Variants in FAT2 observed in about 807,000 individuals in gnomAD.
FAT2 encodes the protein FAT atypical cadherin 2.
A neutral mutation model predicts 295.3 loss-of-function variants in FAT2; 150 were observed. The ratio of observed to expected loss-of-function variants is 0.51; its 90% CI spans 0.44 to 0.58. The LOEUF (loss-of-function observed/expected upper bound fraction) is 0.58, where lower values mean the gene tolerates loss of function less well. Ranked by LOEUF, FAT2 falls within the 20% of genes least tolerant of loss-of-function variation. The pLI is 0.00. For missense variants in FAT2, 4,868 were observed against 5,442.7 expected, an observed-to-expected ratio of 0.89 and a Z score of 3.32; for synonymous variants, 2,026 against 2,150.3, an observed-to-expected ratio of 0.94 and a Z score of 1.60.
rs148641194 is a variant in FAT2, at chr5:151,517,631, C to T, written c.11452G>A (p.Val3818Ile). 78 of 1,614,094 alleles carry T rather than the reference C, an allele frequency of 4.8e-5. No individual in the cohort carries two copies. Among genetic ancestry groups the T allele is most frequent in the Middle Eastern group, 3.3e-4 (2 of 6,014 alleles). The change falls in exon 20 of 24, where the codon GTC becomes ATC. Residue 3818 changes from valine (V) to isoleucine (I), a missense_variant. Physicochemically the swap from Val to Ile is conservative, Grantham distance 29. Coordinates refer to ENST00000261800, the MANE Select transcript of FAT2 (RefSeq NM_001447.3). ...ILLFTNETASVSLKLASGVPQ... is the reference protein window; with the variant it reads ...ILLFTNETASISLKLASGVPQ... ...TGGCAGTGCCTTACCTTCAGGGAGA[C>T]GGACGCTGTTTCATTGGTGAATAGA...
At chr5:151,513,438 T>C (rs571101393) in intron 20 of FAT2, among the ~76,000 whole-genome samples, 2 of 152,304 alleles carry the variant, frequency 1.3e-5, no homozygotes, top group South Asian at 4.2e-4. Context: ...ATTATGTCCT[T>C]TGCAGCAACA....
In FAT2 at chr5:151,537,000, C is replaced by T. The variant is rs80116582; in HGVS notation, c.9193+793G>A. 2.8e-3 allele frequency among the ~76,000 whole-genome samples: 432 copies of T among 152,294 alleles called. 2 individuals carry two copies. The highest frequency in any genetic ancestry group is 0.01 in the Middle Eastern group (3 of 294). On this transcript the variant is annotated intron_variant, in intron 12 of 23. Transcript: ENST00000261800. ...TCTCCTGCCTTGAGTGCCCTTTCCC[C>T]CACTCTCTTACCCCTGGCTAACACT... is the stretch of plus-strand genomic sequence containing the variant.
At chr5:151,537,678 T>C (rs1755595248) in intron 12 of FAT2, 115 bp downstream of exon 12, 1 of 1,038,266 alleles carries the variant, frequency 9.6e-7, no homozygotes, top group African/African-American at 1.6e-5. Context: ...CCAATATATG[T>C]TTGCTGATAG....
intron 5 of FAT2, 128 bp from the exon 6 acceptor site, chr5:151,553,515 T>C: frequency 1.3e-6 from 1 of 791,520 alleles, no homozygotes; most frequent in Non-Finnish European, 2.1e-6. Flanking sequence ...CATTCATTCA[T>C]CTGATGCATA....
chr5:151,559,174 A>C (rs986569008), intron 3 of FAT2, among the ~76,000 whole-genome samples: 1 of 152,100 alleles, frequency 6.6e-6, no homozygotes, highest in Non-Finnish European at 1.5e-5. Flanking sequence ...TGGCAATGGG[A>C]GTGTGGTGTG....
rs79294563 is a variant in FAT2 at position 151,553,498 on chromosome 5, A to G, written c.3946-111T>C. 2,059 of 906,310 alleles carry G rather than the reference A, an allele frequency of 2.3e-3. 27 individuals carry two copies. In the African/African-American group the frequency reaches 0.03, roughly 13 times the overall value. The allele number at this position is 906,310 out of a possible 1,614,324, so 56.1% of individuals were successfully genotyped here. On this transcript the variant is annotated intron_variant, in intron 5 of 23. Coordinates refer to ENST00000261800, the MANE Select transcript of FAT2 (RefSeq NM_001447.3). ...GTGATTCTGACCAAGCAGGCCTCTCATCCAGTCATTCATTCATCTGATGCA... is the reference window on the plus strand; with the variant it reads ...GTGATTCTGACCAAGCAGGCCTCTCGTCCAGTCATTCATTCATCTGATGCA...
chr5:151,518,655 A>G (rs915032952), intron 19 of FAT2, among the ~76,000 whole-genome samples: 3 of 152,232 alleles, frequency 2.0e-5, no homozygotes, highest in African/African-American at 7.2e-5. Context: ...GATAGACTGT[A>G]TGGCCAAAAC....
At chr5:151,507,704 C>A (rs553058197) in intron 22 of FAT2, 93 bp from the exon 23 acceptor site, 104 of 1,151,538 alleles carry the variant, frequency 9.0e-5, no homozygotes, top group Middle Eastern at 3.0e-4. Context: ...ACTGCTCCCC[C>A]CAAAACCTAC....
At chr5:151,539,971 A>T (rs184360327) in intron 11 of FAT2, among the ~76,000 whole-genome samples, 4 of 152,328 alleles carry the variant, frequency 2.6e-5, no homozygotes, top group African/African-American at 9.6e-5. Flanking sequence ...AGATGTGAGG[A>T]GGTGCATATA....
chr5:151,527,091 C>T (rs991865413), intron 17 of FAT2, 143 bp downstream of exon 17: 3 of 791,600 alleles, frequency 3.8e-6, no homozygotes, highest in African/African-American at 3.4e-5. Flanking sequence ...TAATGCCCTC[C>T]AGCAGTCTGT....
chr5:151,558,598 C>T (rs1292861716), intron 3 of FAT2, among the ~76,000 whole-genome samples: 4 of 151,056 alleles, frequency 2.6e-5, no homozygotes, highest in Non-Finnish European at 4.4e-5. Context: ...GGCAACAGAG[C>T]GAGACTCCTT....
At chr5:151,525,620 T>C (rs1403704585) in intron 18 of FAT2, 148 bp downstream of exon 18, 1 of 786,624 alleles carries the variant, frequency 1.3e-6, no homozygotes, top group Admixed American at 2.3e-5. Flanking sequence ...GTTATGAGGC[T>C]TTAGTCCTGA....
At chr5:151,539,894 C>T (rs1432049493) in intron 11 of FAT2, among the ~76,000 whole-genome samples, 2 of 152,116 alleles carry the variant, frequency 1.3e-5, no homozygotes, top group Non-Finnish European at 2.9e-5. Flanking sequence ...AATGAAATTG[C>T]CCTGTCTCGT....
intron 21 of FAT2, chr5:151,511,415 C>A (rs1761314799): frequency 6.6e-6 from 1 of 152,192 alleles, no homozygotes; most frequent in African/African-American, 2.4e-5. Context: ...AGCAATGTAT[C>A]CCTATTTAGT....
Position 151,544,050 on chromosome 5 carries a change from G to T in FAT2, c.7077C>A (p.Leu2359=), listed in dbSNP as rs765358925. The change falls in exon 10 of 24, where the codon CTC becomes CTA. Residue 2359 remains leucine, a synonymous_variant. Transcript: ENST00000261800. ...VRAMDKGDPP[L]TGETLVVVNV... is the part of the protein sequence containing the mutation. Reference sequence around the variant, plus strand: ...TGACAACCACAAGGGTTTCACCAGTGAGTGGGGGATCTCCTTTATCCATGG... The same window carrying T: ...TGACAACCACAAGGGTTTCACCAGTTAGTGGGGGATCTCCTTTATCCATGG... 6 of 1,614,102 alleles carry T rather than the reference G, an allele frequency of 3.7e-6. No individual in the cohort carries two copies. Among genetic ancestry groups the T allele is most frequent in the Non-Finnish European group, 4.2e-6 (5 of 1,180,046 alleles).
chr5:151,505,585 A>G lies in FAT2; in HGVS notation c.13030T>C (p.Cys4344Arg), dbSNP rs1307034849. Residue 4344 changes from cysteine (C) to arginine (R), a missense_variant, in exon 24 of 24, where the codon TGT becomes CGT. By Grantham distance (180) the Cys-to-Arg change is radical. Around this residue, in one of 5 missense-constraint regions of FAT2, gnomAD observed 492 missense variants for 482.6 expected, o/e 1.02. Coordinates refer to ENST00000261800, the MANE Select transcript of FAT2 (RefSeq NM_001447.3). The stretch of plus-strand genomic sequence containing the variant: ...GGAAGCTAGAACATGACCTCCTCAC[A>G]GCTGCCATAATCACTCTCCACCATG... ...SDMVESDYGS[C>R]EEVMF 6.2e-7 allele frequency: 1 copy of G among 1,614,088 alleles called. No individual in the cohort carries two copies. Among genetic ancestry groups the G allele is most frequent in the Admixed American group, 1.7e-5 (1 of 60,020 alleles).
Position 151,544,477 on chromosome 5 carries a change from G to A in FAT2, c.6650C>T (p.Thr2217Ile). 1 of 1,614,168 alleles carries A rather than the reference G, an allele frequency of 6.2e-7. No individual in the cohort carries two copies. The highest frequency in any genetic ancestry group is 8.5e-7 in the Non-Finnish European group (1 of 1,180,036). The change falls in exon 10 of 24, where the codon ACC becomes ATC. Residue 2217 changes from threonine (T) to isoleucine (I), a missense_variant. Coordinates refer to ENST00000261800, the MANE Select transcript of FAT2 (RefSeq NM_001447.3). ...TAGGACACCAGTCTTGAAGTCAGTG[G>A]TGAACAGCATCAAGGGTTCTTCCTC... is the stretch of plus-strand genomic sequence containing the variant. ...IVEEEPLMLF[T>I]TDFKTGVLTV...
intron 10 of FAT2, among the ~76,000 whole-genome samples, chr5:151,541,468 T>A (rs989846670): frequency 2.0e-5 from 3 of 152,226 alleles, no homozygotes; most frequent in African/African-American, 7.2e-5. Flanking sequence ...TGATCCTATG[T>A]CTTCGGGAGT....
Position 151,553,293 on chromosome 5 carries a change from A to G in FAT2, c.4040T>C (p.Leu1347Pro), listed in dbSNP as rs2127627429. The G allele has an allele frequency of 6.2e-7, 1 of 1,614,282 alleles. No individual in the cohort carries two copies. Among genetic ancestry groups the G allele is most frequent in the Non-Finnish European group, 8.5e-7 (1 of 1,180,042 alleles). ...GCTGTAGTAGGTCTCATCAAAGGCC[A>G]GAGGGATGGAGGACGGCCGGGGCCA... ...IPWPRPSSIP[L>P]AFDETYYSFT... The change falls in exon 6 of 24, where the codon CTG becomes CCG. Residue 1347 changes from leucine to proline, a missense_variant. Around this residue, in one of 5 missense-constraint regions of FAT2, gnomAD observed 3,297 missense variants for 3,669.4 expected, o/e 0.90. Transcript: ENST00000261800.
Sources: gnomAD v4.1 joint callset for allele counts (sites outside exome capture counted in the v4.1 genomes callset) on GRCh38, gnomAD v4.1.1 for gene constraint, gnomAD v4.1.1 regional missense constraint, MANE v1.5 for transcripts, NCBI Gene and HGNC (gene_info 2026-07-23, HGNC 2026-07-21) for gene names.